Variants in DLGAP1 observed in about 807,000 individuals in gnomAD.
DLGAP1 encodes disks large-associated protein 1.
In DLGAP1, 11 loss-of-function variants were observed where a neutral mutation model predicts 90.8. That is an observed-to-expected ratio of 0.12 (90% confidence interval 0.08 to 0.20). DLGAP1 has a LOEUF of 0.20. DLGAP1 is among the 10% of genes least tolerant of loss of function. DLGAP1 has a pLI of 1.00. For missense variants in DLGAP1, 1,050 were observed against 1,333.8 expected (o/e 0.79, Z 3.31); for synonymous variants, 558 against 540.7 (o/e 1.03, Z -0.44).
chr18:4,168,973 C>T (rs1411294681), intron 1 of DLGAP1, among the ~76,000 whole-genome samples: 1 of 152,128 alleles, frequency 6.6e-6, no homozygotes, highest in Non-Finnish European at 1.5e-5. Flanking sequence ...GGGTTGTTTC[C>T]ACCTTTTGGC....
intron 7 of DLGAP1, among the ~76,000 whole-genome samples, chr18:3,609,390 G>A (rs1422941919): frequency 6.6e-6 from 1 of 152,122 alleles, no homozygotes; most frequent in Non-Finnish European, 1.5e-5. Flanking sequence ...TGAAACTTAT[G>A]TTAAATAAAT....
chr18:3,586,002 G>GCCA (rs2055860861), intron 7 of DLGAP1, among the ~76,000 whole-genome samples: 1 of 152,208 alleles, frequency 6.6e-6, no homozygotes, highest in Non-Finnish European at 1.5e-5. Context: ...ACTGCAATTG[G>GCCA]ACGCCACCTG....
Position 3,502,651 on chromosome 18 carries a change from C to A in DLGAP1, c.2572-6G>T. ...CTTGGATGAGCATTAGGATTCTGCA[C>A]AAGAGAAAGAAAAACATTCATGCTT... On this transcript the variant is annotated splice_polypyrimidine_tract_variant and splice_region_variant and intron_variant, in intron 11 of 12. Transcript: ENST00000315677. 6.2e-7 allele frequency: 1 copy of A among 1,600,144 alleles called. No homozygotes were observed. Among genetic ancestry groups the A allele is most frequent in the Admixed American group, 1.8e-5 (1 of 55,992 alleles).
intron 1 of DLGAP1, among the ~76,000 whole-genome samples, chr18:4,338,875 T>C (rs963774045): frequency 3.3e-5 from 5 of 152,208 alleles, no homozygotes; most frequent in African/African-American, 1.2e-4. Context: ...GTAAATGGCC[T>C]ATTATTATAG....
intron 3 of DLGAP1, among the ~76,000 whole-genome samples, chr18:3,926,611 T>A (rs2072396612): frequency 6.6e-6 from 1 of 151,874 alleles, no homozygotes; most frequent in South Asian, 2.1e-4. Flanking sequence ...TGCAGACACA[T>A]CTCCAGATAG....
At chr18:4,206,446 G>A (rs896380967) in intron 1 of DLGAP1, among the ~76,000 whole-genome samples, 7 of 152,192 alleles carry the variant, frequency 4.6e-5, no homozygotes, top group South Asian at 2.1e-4. Context: ...TGAGGGCACC[G>A]GGAAGTGGCT....
chr18:4,104,052 T>C (rs574576673), intron 2 of DLGAP1, among the ~76,000 whole-genome samples: 1 of 152,296 alleles, frequency 6.6e-6, no homozygotes, highest in South Asian at 2.1e-4. Context: ...CAGAGTTTTG[T>C]TAGCCTTTTC....
chr18:3,867,894 C>T (rs2070500465), intron 4 of DLGAP1, among the ~76,000 whole-genome samples: 2 of 152,138 alleles, frequency 1.3e-5, no homozygotes, highest in Non-Finnish European at 2.9e-5. Flanking sequence ...GATCTTCTGG[C>T]ATGAAATAAA....
chr18:3,919,329 T>C (rs1276691902), intron 3 of DLGAP1, among the ~76,000 whole-genome samples: 1 of 152,218 alleles, frequency 6.6e-6, no homozygotes, highest in Non-Finnish European at 1.5e-5. Flanking sequence ...AGTGCAAGGG[T>C]AGCAGTCCTT....
At chr18:4,176,013 T>A (rs1224696999) in intron 1 of DLGAP1, among the ~76,000 whole-genome samples, 1 of 152,232 alleles carries the variant, frequency 6.6e-6, no homozygotes, top group East Asian at 1.9e-4. Flanking sequence ...TAAATTACTT[T>A]GGGCAGTATG....
intron 1 of DLGAP1, among the ~76,000 whole-genome samples, chr18:4,412,480 C>G (rs1343372385): frequency 6.6e-6 from 1 of 152,216 alleles, no homozygotes; most frequent in Non-Finnish European, 1.5e-5. Flanking sequence ...TAAGTGCTGG[C>G]TCTGCTAACA....
chr18:4,257,973 ATGTGTGTGTGTG>A (rs10625642), intron 1 of DLGAP1, among the ~76,000 whole-genome samples: 178 of 141,272 alleles, frequency 1.3e-3, no homozygotes, highest in Non-Finnish European at 1.9e-3. Flanking sequence ...AGTTATACAT[ATGTGTGTGTGTG>A]TGTGTGTGTG....
Position 4,113,359 on chromosome 18 carries a change from G to A in DLGAP1, c.-159+37821C>T, listed in dbSNP as rs138284451. ...TTTGATTTTCATTCCCTGATGATTA[G>A]TGATGTTGAACTTTTTTCGAAAGTT... is the stretch of plus-strand genomic sequence containing the variant. On this transcript the variant is annotated intron_variant, in intron 2 of 12. Transcript: ENST00000315677. Among the ~76,000 whole-genome samples, 103 of 152,216 alleles carry A rather than the reference G, an allele frequency of 6.8e-4. 1 individual carries two copies. The highest frequency in any genetic ancestry group is 2.4e-3 in the African/African-American group (100 of 41,548).
intron 4 of DLGAP1, among the ~76,000 whole-genome samples, chr18:3,873,550 T>G (rs1256202339): frequency 1.3e-5 from 2 of 152,142 alleles, no homozygotes. Context: ...TGTAAAGTAG[T>G]TTTAACTGAA....
chr18:3,760,380 T>C (rs533112252), intron 5 of DLGAP1, among the ~76,000 whole-genome samples: 1 of 152,300 alleles, frequency 6.6e-6, no homozygotes, highest in Non-Finnish European at 1.5e-5. Flanking sequence ...GGCGACACCT[T>C]TTACCTGATA....
At chr18:3,787,480 C>CAAAAAAAAAAA (rs1189558362) in intron 5 of DLGAP1, among the ~76,000 whole-genome samples, 1 of 63,778 alleles carries the variant, frequency 1.6e-5, no homozygotes, top group Admixed American at 2.5e-4. Flanking sequence ...AACTCCATCT[C>CAAAAAAAAAAA]AAAAAAAAAA....
chr18:4,146,314 C>T (rs1301995740), intron 2 of DLGAP1, among the ~76,000 whole-genome samples: 2 of 152,166 alleles, frequency 1.3e-5, no homozygotes, highest in Admixed American at 6.5e-5. Context: ...TCAGTCCATT[C>T]GCCACGTTCA....
At chr18:4,018,444 C>T (rs1477314724) in intron 2 of DLGAP1, among the ~76,000 whole-genome samples, 1 of 152,226 alleles carries the variant, frequency 6.6e-6, no homozygotes, top group East Asian at 1.9e-4. Flanking sequence ...AGGGATACAG[C>T]TGAGAGCTGT....
intron 1 of DLGAP1, among the ~76,000 whole-genome samples, chr18:4,258,186 G>A (rs1253631124): frequency 2.6e-5 from 4 of 152,030 alleles, no homozygotes; most frequent in African/African-American, 7.2e-5. Flanking sequence ...ACAGTCGTGC[G>A]CCACTACGCC....
Sources: gnomAD v4.1 joint callset for allele counts (sites outside exome capture counted in the v4.1 genomes callset) on GRCh38, gnomAD v4.1.1 for gene constraint, MANE v1.5 for transcripts, NCBI Gene and HGNC (gene_info 2026-07-23, HGNC 2026-07-21) for gene names.